The following CLSTN2 variants were observed in gnomAD, a reference collection of about 807,000 sequenced individuals.
CLSTN2 encodes the protein calsyntenin-2.
CLSTN2 carries 48 observed loss-of-function variants against 101.2 expected under a neutral mutation model. The observed-to-expected ratio is 0.47, with a 90% CI of 0.38 to 0.60. CLSTN2 has a LOEUF of 0.60. CLSTN2 is among the 20% of genes least tolerant of loss of function. The pLI, the probability that CLSTN2 is intolerant of heterozygous loss-of-function variation, is 0.00. For synonymous variants in CLSTN2, 481 were observed against 463.6 expected (o/e 1.04, Z -0.48); for missense variants, 1,160 against 1,238.2 (o/e 0.94, Z 0.95).
intron 1 of CLSTN2, among the ~76,000 whole-genome samples, chr3:140,038,121 C>T (rs929867238): frequency 2.0e-5 from 3 of 152,190 alleles, no homozygotes; most frequent in African/African-American, 7.2e-5. Flanking sequence ...GGAATCACCA[C>T]ACTGTCCTCC....
chr3:139,974,245 A>G (rs1317908300), intron 1 of CLSTN2, among the ~76,000 whole-genome samples: 3 of 152,216 alleles, frequency 2.0e-5, no homozygotes, highest in African/African-American at 7.2e-5. Flanking sequence ...TGGGGCCTCA[A>G]AATGACACTG....
At chr3:140,178,859 G>A (rs975372783) in intron 2 of CLSTN2, among the ~76,000 whole-genome samples, 1 of 152,152 alleles carries the variant, frequency 6.6e-6, no homozygotes, top group Non-Finnish European at 1.5e-5. Context: ...TGTATTGTGT[G>A]TCAGTTTTCC....
At chr3:140,522,887 CTAT>C (rs72395358) in intron 8 of CLSTN2, among the ~76,000 whole-genome samples, 23,130 of 152,080 alleles carry the variant, frequency 0.15, 2,090 homozygotes, top group East Asian at 0.35. Flanking sequence ...GCTGTGTTTG[CTAT>C]TATTTCTCAG....
intron 1 of CLSTN2, among the ~76,000 whole-genome samples, chr3:140,020,904 G>A (rs959368739): frequency 4.6e-5 from 7 of 152,156 alleles, no homozygotes; most frequent in African/African-American, 1.7e-4. Flanking sequence ...AGACTGCTTC[G>A]TCTTCTAATT....
At chr3:140,086,640 C>T (rs982455364) in intron 1 of CLSTN2, among the ~76,000 whole-genome samples, 2 of 152,212 alleles carry the variant, frequency 1.3e-5, no homozygotes, top group Non-Finnish European at 2.9e-5. Context: ...TTTGGGTCCC[C>T]AGCCTTACCA....
chr3:140,352,306 G>C (rs886675251), intron 2 of CLSTN2, among the ~76,000 whole-genome samples: 1 of 152,168 alleles, frequency 6.6e-6, no homozygotes, highest in Non-Finnish European at 1.5e-5. Flanking sequence ...CAGGTGTTAG[G>C]ACCAAAAAGG....
intron 2 of CLSTN2, among the ~76,000 whole-genome samples, chr3:140,190,641 T>C (rs1400022175): frequency 6.6e-6 from 1 of 152,094 alleles, no homozygotes; most frequent in Non-Finnish European, 1.5e-5. Flanking sequence ...ACATGTTTTC[T>C]TATATTTATA....
rs150289228 is a variant in CLSTN2, at chr3:140,450,493, C to T, written c.973+1789C>T. ...GCACATAGTTGATTTCTTCCTTGTT[C>T]TCTCCCAAAATACTCAGGAACTCAC... is the stretch of plus-strand genomic sequence containing the variant. On this transcript the variant is annotated intron_variant, in intron 6 of 16. Transcript: ENST00000458420. Among the ~76,000 whole-genome samples the T allele has an allele frequency of 3.3e-5, 5 of 152,306 alleles. No individual in the cohort carries two copies. The East Asian group carries it at 9.6e-4, about 29-fold the overall frequency.
intron 1 of CLSTN2, among the ~76,000 whole-genome samples, chr3:139,975,568 G>A (rs945662568): frequency 1.3e-5 from 2 of 152,162 alleles, no homozygotes; most frequent in Middle Eastern, 3.2e-3. Context: ...AGGAGCTCTT[G>A]GTTATAAGAA....
intron 8 of CLSTN2, among the ~76,000 whole-genome samples, chr3:140,491,453 C>T (rs969500664): frequency 1.3e-5 from 2 of 152,056 alleles, no homozygotes; most frequent in Non-Finnish European, 2.9e-5. Flanking sequence ...TAGTAGTTAC[C>T]CATTTATTTT....
intron 5 of CLSTN2, among the ~76,000 whole-genome samples, chr3:140,441,443 T>C (rs764097942): frequency 5.9e-5 from 9 of 152,204 alleles, no homozygotes; most frequent in Non-Finnish European, 1.3e-4. Context: ...CTGCTAAGCA[T>C]TTCACATTTA....
intron 2 of CLSTN2, among the ~76,000 whole-genome samples, chr3:140,217,858 A>G (rs2010939339): frequency 6.6e-6 from 1 of 152,352 alleles, no homozygotes; most frequent in South Asian, 2.1e-4. Context: ...TTAAATTTTA[A>G]AGGTTCTCTA....
At chr3:140,060,569 G>C (rs988504102) in intron 1 of CLSTN2, among the ~76,000 whole-genome samples, 1 of 152,134 alleles carries the variant, frequency 6.6e-6, no homozygotes, top group Non-Finnish European at 1.5e-5. Context: ...CCTGGCCCTC[G>C]GCAATGGGAA....
At position 140,264,201 on chromosome 3, in the gene CLSTN2, G is replaced by C. The variant is rs559916567; in HGVS notation, c.232+88128G>C. Among the ~76,000 whole-genome samples the C allele has an allele frequency of 3.3e-5, 5 of 151,340 alleles. No individual in the cohort carries two copies. The South Asian group carries it at 1.0e-3, about 32-fold the overall frequency. ...CATGTTTTTCACTTTTATACTTTTT[G>C]TTGATGATTTTGCTGTTTAAAATGG... On this transcript the variant is annotated intron_variant, in intron 2 of 16. Coordinates refer to ENST00000458420, the MANE Select transcript of CLSTN2 (RefSeq NM_022131.3).
chr3:139,955,829 A>G (rs927337555), intron 1 of CLSTN2, among the ~76,000 whole-genome samples: 1 of 152,206 alleles, frequency 6.6e-6, no homozygotes, highest in African/African-American at 2.4e-5. Context: ...GGGGAATCAC[A>G]GCCCCGGAGG....
chr3:140,379,473 G>A (rs1173090483), intron 2 of CLSTN2, among the ~76,000 whole-genome samples: 3 of 152,180 alleles, frequency 2.0e-5, no homozygotes, highest in East Asian at 1.9e-4. Context: ...CAGGGTCTTC[G>A]ACCACTATGG....
At chr3:140,449,921 T>C (rs757502721) in intron 6 of CLSTN2, 1 of 152,242 alleles carries the variant, frequency 6.6e-6, no homozygotes, top group Non-Finnish European at 1.5e-5. Flanking sequence ...AGGGTGACGG[T>C]AGACAAAGGA....
chr3:140,566,182 A>G lies in CLSTN2; in HGVS notation c.2797A>G (p.Arg933Gly), dbSNP rs1936023986. ...EEEEEEEGMGRGRHGQNGARQ... is the reference protein window; with the variant it reads ...EEEEEEEGMGGGRHGQNGARQ... The stretch of plus-strand genomic sequence containing the variant: ...GGAGGAGGAGGAGGAAGGGATGGGC[A>G]GAGGCAGACATGGGCAGAATGGAGC... Residue 933 changes from arginine (R) to glycine (G), a missense_variant, in exon 17 of 17, where the codon AGA (arginine) becomes GGA (glycine). Physicochemically the swap from Arg to Gly is moderately radical, Grantham distance 125. Coordinates refer to ENST00000458420, the MANE Select transcript of CLSTN2 (RefSeq NM_022131.3). 6.2e-7 allele frequency: 1 copy of G among 1,609,944 alleles called. No homozygotes were observed. The highest frequency in any genetic ancestry group is 8.5e-7 in the Non-Finnish European group (1 of 1,178,014).
At chr3:140,070,229 GA>G (rs1248354761) in intron 1 of CLSTN2, among the ~76,000 whole-genome samples, 8 of 152,222 alleles carry the variant, frequency 5.3e-5, no homozygotes, top group African/African-American at 9.6e-5. Flanking sequence ...GCAGAAGAAT[GA>G]ATGTTGATCT....
Sources: allele counts gnomAD v4.1 joint callset (sites outside exome capture counted in the v4.1 genomes callset), GRCh38; gene constraint gnomAD v4.1.1; transcripts MANE v1.5; gene names NCBI Gene and HGNC (gene_info 2026-07-23, HGNC 2026-07-21).